WDR7: variants seen among roughly 807,000 people sequenced by gnomAD.
The protein encoded by WDR7 is WD repeat domain 7, also known as WD repeat-containing protein 7.
Under a neutral mutation model 169.4 loss-of-function variants are expected in WDR7, and 46 were observed. The ratio of observed to expected loss-of-function variants is 0.27; its 90% confidence interval spans 0.21 to 0.35. The LOEUF is 0.35. Ranked by LOEUF, WDR7 falls within the 10% of genes least tolerant of loss-of-function variation. The pLI, the probability that WDR7 is intolerant of heterozygous loss-of-function variation, is 1.00. For synonymous variants in WDR7, 612 were observed against 666.8 expected (o/e 0.92, Z 1.27); for missense variants, 1,534 against 1,859.3 (o/e 0.83, Z 3.22).
intron 5 of WDR7, among the ~76,000 whole-genome samples, chr18:56,683,769 A>G (rs1349331543): frequency 6.6e-6 from 1 of 152,184 alleles, no homozygotes; most frequent in African/African-American, 2.4e-5. Flanking sequence ...CTTCCCTCCC[A>G]TTAGTGAATT....
At chr18:56,695,316 G>C in intron 11 of WDR7, 118 bp downstream of exon 11, 1 of 1,326,396 alleles carries the variant, frequency 7.5e-7, no homozygotes, top group Non-Finnish European at 1.0e-6. Flanking sequence ...TAGTTGTTGG[G>C]GTGCTATGTA....
intron 19 of WDR7, among the ~76,000 whole-genome samples, chr18:56,791,271 G>A (rs72921078): frequency 0.15 from 23,134 of 152,112 alleles, 2,231 homozygotes; most frequent in Non-Finnish European, 0.2. Flanking sequence ...AATGGAAAAA[G>A]AGGTGGATAA....
intron 25 of WDR7, among the ~76,000 whole-genome samples, chr18:56,949,112 C>A (rs1381113101): frequency 1.3e-5 from 2 of 150,702 alleles, no homozygotes; most frequent in Non-Finnish European, 2.9e-5. Flanking sequence ...ATTTTTGCCC[C>A]CACTGGTTTT....
At chr18:56,924,939 G>A (rs2046782863) in intron 22 of WDR7, among the ~76,000 whole-genome samples, 1 of 152,096 alleles carries the variant, frequency 6.6e-6, no homozygotes, top group Non-Finnish European at 1.5e-5. Context: ...GTCCTCCCCT[G>A]TTACCACTTC....
At chr18:56,811,605 C>A (rs1001222223) in intron 19 of WDR7, among the ~76,000 whole-genome samples, 1 of 151,978 alleles carries the variant, frequency 6.6e-6, no homozygotes, top group Non-Finnish European at 1.5e-5. Context: ...AAATTTTATA[C>A]TTTTATGTAT....
chr18:56,786,661 C>T (rs1411889202), intron 19 of WDR7, among the ~76,000 whole-genome samples: 1 of 151,924 alleles, frequency 6.6e-6, no homozygotes, highest in Non-Finnish European at 1.5e-5. Flanking sequence ...TTAAAAATAT[C>T]GTGAGTATGT....
At chr18:56,890,616 A>T (rs145360089) in intron 21 of WDR7, among the ~76,000 whole-genome samples, 3 of 152,218 alleles carry the variant, frequency 2.0e-5, no homozygotes, top group African/African-American at 7.2e-5. Flanking sequence ...ATTCACAAAT[A>T]GTTATCAGAT....
chr18:56,686,883 C>T lies in WDR7; in HGVS notation c.626C>T (p.Ser209Phe). The T allele has an allele frequency of 6.2e-7, 1 of 1,608,138 alleles. No individual in the cohort carries two copies. Among genetic ancestry groups the T allele is most frequent in the Non-Finnish European group, 8.5e-7 (1 of 1,174,898 alleles). Residue 209 changes from serine (S) to phenylalanine (F), a missense_variant, in exon 7 of 28, where the codon TCC becomes TTC. Transcript: ENST00000254442. ...ACTGAGCCAATATTTGAGGAGGAAT[C>T]CAAACCAATTTATTGTCAGAATTGC... Reference protein sequence around the residue: ...QDTEPIFEEESKPIYCQNCQS... With the variant: ...QDTEPIFEEEFKPIYCQNCQS...
intron 22 of WDR7, among the ~76,000 whole-genome samples, chr18:56,932,850 A>G (rs748969778): frequency 1.6e-4 from 24 of 151,104 alleles, no homozygotes; most frequent in Non-Finnish European, 2.8e-4. Context: ...TCAAGTGCAC[A>G]CATGATTGTA....
chr18:56,921,867 C>T (rs73958705), intron 21 of WDR7, among the ~76,000 whole-genome samples: 6,408 of 152,156 alleles, frequency 0.042, 180 homozygotes, highest in Middle Eastern at 0.075. Context: ...ACACAGAGGC[C>T]CTTAGGAATC....
intron 26 of WDR7, among the ~76,000 whole-genome samples, chr18:57,016,933 G>A (rs756122830): frequency 6.6e-6 from 1 of 152,078 alleles, no homozygotes; most frequent in Non-Finnish European, 1.5e-5. Context: ...ATATAACAAG[G>A]CATGATACTC....
chr18:56,703,680 A>G (rs1022936809), intron 12 of WDR7, among the ~76,000 whole-genome samples: 1 of 152,118 alleles, frequency 6.6e-6, no homozygotes, highest in African/African-American at 2.4e-5. Flanking sequence ...AATAATACAT[A>G]GTTATAGAAA....
chr18:56,885,593 G>C (rs1228980407), intron 21 of WDR7, among the ~76,000 whole-genome samples: 1 of 151,932 alleles, frequency 6.6e-6, no homozygotes, highest in Non-Finnish European at 1.5e-5. Flanking sequence ...GGGAGGCCCA[G>C]GCGGGCGGAT....
chr18:57,018,715 T>G (rs2048243715), intron 26 of WDR7, among the ~76,000 whole-genome samples: 1 of 152,238 alleles, frequency 6.6e-6, no homozygotes, highest in South Asian at 2.1e-4. Flanking sequence ...GTTTTGAGTT[T>G]GCAGCCTCTA....
intron 20 of WDR7, among the ~76,000 whole-genome samples, chr18:56,858,799 C>G (rs140125405): frequency 6.6e-6 from 1 of 152,128 alleles, no homozygotes; most frequent in African/African-American, 2.4e-5. Context: ...ACCTACATGC[C>G]AGGCATTGTT....
At chr18:56,844,485 T>A (rs1208996509) in intron 20 of WDR7, among the ~76,000 whole-genome samples, 1 of 152,212 alleles carries the variant, frequency 6.6e-6, no homozygotes, top group East Asian at 1.9e-4. Context: ...ACAAAAAGAT[T>A]AGACTCTAAA....
At chr18:56,930,559 G>C (rs1403937645) in intron 22 of WDR7, among the ~76,000 whole-genome samples, 1 of 152,176 alleles carries the variant, frequency 6.6e-6, no homozygotes, top group Admixed American at 6.5e-5. Context: ...CCACCTTTGG[G>C]TTTAGGAACT....
intron 20 of WDR7, among the ~76,000 whole-genome samples, chr18:56,864,442 A>G (rs2045853061): frequency 6.6e-6 from 1 of 151,714 alleles, no homozygotes; most frequent in Non-Finnish European, 1.5e-5. Context: ...AATGAAGAAC[A>G]ATTTAATGTC....
intron 20 of WDR7, among the ~76,000 whole-genome samples, chr18:56,854,091 G>T (rs2045681300): frequency 6.6e-6 from 1 of 152,188 alleles, no homozygotes; most frequent in African/African-American, 2.4e-5. Flanking sequence ...CACCACTGCA[G>T]TCGGCACAGA....
Sources: allele counts gnomAD v4.1 joint callset (sites outside exome capture counted in the v4.1 genomes callset), GRCh38; gene constraint gnomAD v4.1.1; transcripts MANE v1.5; gene names NCBI Gene and HGNC (gene_info 2026-07-23, HGNC 2026-07-21).